NOX1: variants seen among roughly 807,000 people sequenced by gnomAD.
NOX1 encodes the protein NADPH oxidase 1.
A neutral mutation model predicts 42.5 loss-of-function variants in NOX1; 34 were observed. The ratio of observed to expected loss-of-function variants is 0.80; its 90% CI spans 0.61 to 1.07. NOX1 has a LOEUF of 1.07. Among genes scored for constraint, NOX1 ranks in the 50% least tolerant of loss-of-function variants. NOX1 has a pLI of 0.00. For synonymous variants in NOX1, 143 were observed against 152.5 expected, an observed-to-expected ratio of 0.94 and a Z score of 0.46; for missense variants, 408 against 427.0, an observed-to-expected ratio of 0.96 and a Z score of 0.39.
intron 12 of NOX1, among the ~76,000 whole-genome samples, chrX:100,845,621 T>TG (rs2085067857): frequency 1.1e-5 from 1 of 94,346 alleles, no homozygotes; most frequent in African/African-American, 4.0e-5. Context: ...GTTTTTTTTT[T>TG]TTTTTTTTTT....
chrX:100,855,668 T>C, intron 7 of NOX1: 1 of 1,029,277 alleles, frequency 9.7e-7, no homozygotes, highest in East Asian at 3.1e-5. Context: ...CATTACCAAA[T>C]CCATTATAGC....
At position 100,870,761 on chromosome X, in the gene NOX1, A is replaced by G. The variant is rs1327547439; in HGVS notation, c.99T>C (p.Tyr33=). ...VFLFVDAFLK[Y]EKADKYYYTR... ...TGTAGTAGTATTTGTCGGCCTTCTC[A>G]TATTTCAGGAAGGCATCCACAAACA... The change falls in exon 2 of 13, where the codon TAT becomes TAC. Residue 33 remains tyrosine (Y), a synonymous_variant. Transcript: ENST00000372966. The G allele has an allele frequency of 8.3e-7, 1 of 1,201,763 alleles. No individual in the cohort carries two copies. Among genetic ancestry groups the G allele is most frequent in the South Asian group, 1.8e-5 (1 of 56,340 alleles).
Position 100,844,017 on chromosome X carries a change from A to G in NOX1, c.1630T>C (p.Cys544Arg), listed in dbSNP as rs2085054561. 7 of 1,204,547 alleles carry G rather than the reference A, an allele frequency of 5.8e-6. No individual in the cohort carries two copies. The highest frequency in any genetic ancestry group is 1.7e-5 in the African/African-American group (1 of 57,684). The change falls in exon 13 of 13, where the codon TGT (cysteine) becomes CGT (arginine). Residue 544 changes from cysteine to arginine, a missense_variant. Physicochemically the swap from Cys to Arg is radical, Grantham distance 180. Transcript: ENST00000372966. ...RTLAKSLRKC[C>R]HRYSSLDPRK... ...GGATCCAGACTGGAATATCGGTGAC[A>G]GCATTTGCGCAGGCTCTTTGCCAAA...
rs1448156994 is a variant in NOX1, at chrX:100,862,295, A to G, written c.680T>C (p.Val227Ala). 2 of 1,211,380 alleles carry G rather than the reference A, an allele frequency of 1.7e-6. No individual in the cohort carries two copies. Among genetic ancestry groups the G allele is most frequent in the Admixed American group, 2.2e-5 (1 of 45,978 alleles). Residue 227 changes from valine to alanine, a missense_variant, in exon 7 of 13, where the codon GTC becomes GCC. Physicochemically the swap from Val to Ala is moderately conservative, Grantham distance 64. Coordinates refer to ENST00000372966, the MANE Select transcript of NOX1 (RefSeq NM_007052.5). ...CATGCTCTCCTCTGTTTGACCCCGG[A>G]CAATTCCACTGAAATAGACAAAGAA... ...GLGIHGIGGI[V>A]RGQTEESMNE...
intron 2 of NOX1, among the ~76,000 whole-genome samples, chrX:100,869,940 C>G: frequency 1.0e-5 from 1 of 97,205 alleles, no homozygotes; most frequent in Admixed American, 1.2e-4. Context: ...TTGTCTTTGG[C>G]TCTGTTTATA....
chrX:100,853,231 CTTTT>C (rs1267227263), intron 7 of NOX1, among the ~76,000 whole-genome samples: 5 of 102,772 alleles, frequency 4.9e-5, no homozygotes, highest in East Asian at 5.8e-4. Flanking sequence ...CTCTTTCTTT[CTTTT>C]TCTTTCTTTC....
chrX:100,846,833 C>T (rs1157797281), intron 12 of NOX1, among the ~76,000 whole-genome samples: 2 of 112,489 alleles, frequency 1.8e-5, no homozygotes, highest in Non-Finnish European at 3.8e-5. Context: ...CCTTGTCTTA[C>T]AGATGAGGAA....
intron 2 of NOX1, among the ~76,000 whole-genome samples, chrX:100,867,352 C>T (rs2085245561): frequency 8.9e-6 from 1 of 112,716 alleles, no homozygotes; most frequent in Non-Finnish European, 1.9e-5. Flanking sequence ...ATTTAAACTT[C>T]TTCCTCTGCT....
chrX:100,863,668 C>T (rs990154806), intron 2 of NOX1, 73 bp from the exon 3 acceptor site: 2 of 1,138,427 alleles, frequency 1.8e-6, no homozygotes, highest in Non-Finnish European at 2.3e-6. Flanking sequence ...CTGACCCAGC[C>T]CACTCATCTG....
At chrX:100,860,928 G>A (rs759299334) in intron 7 of NOX1, among the ~76,000 whole-genome samples, 1 of 110,707 alleles carries the variant, frequency 9.0e-6, no homozygotes, top group Non-Finnish European at 1.9e-5. Flanking sequence ...TTGTAGAGAT[G>A]GGGTTTTGCC....
In NOX1 at chrX:100,850,167, ATTG is replaced by A. The variant is rs772431375; in HGVS notation, c.1114_1116del (p.Gln372del). ...AGGACCTACCTGGGAATTGGTGAAT[ATTG>A]TTGTTCGAAAGCCCTTATGAGATTT... On this transcript the variant is annotated inframe_deletion, in exon 9 of 13. Coordinates refer to ENST00000372966, the MANE Select transcript of NOX1 (RefSeq NM_007052.5). The A allele has an allele frequency of 1.7e-5, 20 of 1,207,294 alleles. No homozygotes were observed. In the African/African-American group the frequency reaches 2.8e-4, roughly 17 times the overall value.
intron 7 of NOX1, among the ~76,000 whole-genome samples, chrX:100,859,710 T>A (rs960531641): frequency 9.3e-6 from 1 of 107,538 alleles, no homozygotes; most frequent in Non-Finnish European, 1.9e-5. Context: ...TCTAGGTTGT[T>A]TTTTTTTTTA....
At chrX:100,857,385 G>C (rs1011761172) in intron 7 of NOX1, among the ~76,000 whole-genome samples, 4 of 111,809 alleles carry the variant, frequency 3.6e-5, no homozygotes, top group African/African-American at 1.3e-4. Context: ...ATTCCTTTGG[G>C]TATATACTCA....
intron 12 of NOX1, among the ~76,000 whole-genome samples, chrX:100,845,301 G>A (rs1013073215): frequency 9.0e-6 from 1 of 111,051 alleles, no homozygotes; most frequent in African/African-American, 3.3e-5. Flanking sequence ...CACATAAGTG[G>A]AATCATACAA....
chrX:100,870,615 C>A (rs1158661973), intron 2 of NOX1, 104 bp downstream of exon 2: 4 of 578,519 alleles, frequency 6.9e-6, no homozygotes, highest in Non-Finnish European at 1.1e-5. Flanking sequence ...CTTTTTCTGG[C>A]AACCCTAGCC....
chrX:100,868,851 A>G (rs1215035380), intron 2 of NOX1, among the ~76,000 whole-genome samples: 1 of 111,586 alleles, frequency 9.0e-6, no homozygotes, highest in Non-Finnish European at 1.9e-5. Flanking sequence ...GGTGTAAGGA[A>G]GGGATCCAGT....
chrX:100,856,994 A>G (rs2085171824), intron 7 of NOX1, among the ~76,000 whole-genome samples: 1 of 111,695 alleles, frequency 9.0e-6, no homozygotes, highest in South Asian at 3.7e-4. Flanking sequence ...TAATAAGCCT[A>G]CTACCCATTA....
At chrX:100,865,395 T>G (rs2147918220) in intron 2 of NOX1, among the ~76,000 whole-genome samples, 1 of 112,788 alleles carries the variant, frequency 8.9e-6, no homozygotes, top group Admixed American at 9.4e-5. Context: ...AGAGAAAACA[T>G]TTTTTCCTCG....
At chrX:100,851,677 C>T (rs990297789) in intron 7 of NOX1, among the ~76,000 whole-genome samples, 6 of 111,454 alleles carry the variant, frequency 5.4e-5, no homozygotes, top group East Asian at 2.8e-4. Context: ...TTTAGGAGGC[C>T]GAGGCGGGCA....
Sources: gnomAD v4.1 joint callset for allele counts (sites outside exome capture counted in the v4.1 genomes callset) on GRCh38, gnomAD v4.1.1 for gene constraint, MANE v1.5 for transcripts, NCBI Gene and HGNC (gene_info 2026-07-23, HGNC 2026-07-21) for gene names.